CCDC85A: variants seen among roughly 807,000 people sequenced by gnomAD.
The protein encoded by CCDC85A is coiled-coil domain containing 85A.
CCDC85A carries 38 observed loss-of-function variants against 50.2 expected under a neutral mutation model. The ratio of observed to expected loss-of-function variants is 0.76; its 90% CI spans 0.58 to 0.99. The LOEUF (loss-of-function observed/expected upper bound fraction) is 0.99. Among genes scored for constraint, CCDC85A ranks in the 50% least tolerant of loss-of-function variants. The probability of loss-of-function intolerance (pLI) is 0.00; values close to 1 mark genes in which losing one functional copy is unlikely to be tolerated. For missense variants in CCDC85A, 820 were observed against 742.0 expected (o/e 1.11, Z -1.22); for synonymous variants, 366 against 301.4 (o/e 1.21, Z -2.22).
At chr2:56,293,041 G>A (rs1281090757) in intron 2 of CCDC85A, among the ~76,000 whole-genome samples, 1 of 152,178 alleles carries the variant, frequency 6.6e-6, no homozygotes, top group Non-Finnish European at 1.5e-5. Flanking sequence ...AGGGCAATGA[G>A]TGGACCAGGC....
intron 2 of CCDC85A, among the ~76,000 whole-genome samples, chr2:56,267,203 A>T (rs897996409): frequency 3.3e-5 from 5 of 151,464 alleles, no homozygotes; most frequent in African/African-American, 9.7e-5. Flanking sequence ...CTCCTCTTCC[A>T]CCCCCCAGAC....
intron 1 of CCDC85A, among the ~76,000 whole-genome samples, chr2:56,189,834 T>C (rs1227022492): frequency 6.6e-6 from 1 of 152,102 alleles, no homozygotes; most frequent in East Asian, 1.9e-4. Flanking sequence ...AGTGCTTGTG[T>C]TCTAGTGGGT....
chr2:56,201,020 G>A (rs115849319), intron 2 of CCDC85A, among the ~76,000 whole-genome samples: 1,623 of 150,710 alleles, frequency 0.011, 32 homozygotes, highest in African/African-American at 0.038. Context: ...ATATCTAAGG[G>A]AAAAAGAGTG....
intron 2 of CCDC85A, among the ~76,000 whole-genome samples, chr2:56,282,805 C>T (rs552212213): frequency 2.6e-4 from 40 of 152,310 alleles, no homozygotes; most frequent in Non-Finnish European, 3.4e-4. Flanking sequence ...CCACCATTCC[C>T]GGCCATACTT....
chr2:56,265,216 A>G (rs2216332), intron 2 of CCDC85A, among the ~76,000 whole-genome samples: 45,281 of 152,076 alleles, frequency 0.3, 7,036 homozygotes, highest in South Asian at 0.37. Context: ...AAAGAAGAAA[A>G]GCTATCCTTC....
intron 2 of CCDC85A, among the ~76,000 whole-genome samples, chr2:56,219,532 C>G (rs1180560328): frequency 1.3e-5 from 2 of 151,686 alleles, no homozygotes; most frequent in Non-Finnish European, 2.9e-5. Flanking sequence ...TCCCATCTTT[C>G]CTTTGCGTTC....
chr2:56,323,041 A>G (rs1226477991), intron 2 of CCDC85A, among the ~76,000 whole-genome samples: 1 of 152,124 alleles, frequency 6.6e-6, no homozygotes. Flanking sequence ...AACTGTTGCA[A>G]GGACAGAAAA....
intron 2 of CCDC85A, among the ~76,000 whole-genome samples, chr2:56,291,556 T>C (rs1266724572): frequency 6.6e-6 from 1 of 152,176 alleles, no homozygotes; most frequent in Non-Finnish European, 1.5e-5. Flanking sequence ...AGAAAGATAC[T>C]GTTCCCTTGA....
At chr2:56,308,768 C>T (rs1180083597) in intron 2 of CCDC85A, among the ~76,000 whole-genome samples, 1 of 152,182 alleles carries the variant, frequency 6.6e-6, no homozygotes, top group Non-Finnish European at 1.5e-5. Context: ...AAATCTGCTG[C>T]ATACACTTTC....
intron 2 of CCDC85A, among the ~76,000 whole-genome samples, chr2:56,338,471 C>T (rs1205588791): frequency 6.6e-6 from 1 of 152,090 alleles, no homozygotes; most frequent in African/African-American, 2.4e-5. Context: ...TTCCAGTACC[C>T]AAAAGGCTTC....
intron 2 of CCDC85A, among the ~76,000 whole-genome samples, chr2:56,277,304 C>T (rs1477185): frequency 0.09 from 13,706 of 152,098 alleles, 2,041 homozygotes; most frequent in African/African-American, 0.31. Flanking sequence ...TTAAGCCATT[C>T]AGAACAGATT....
intron 2 of CCDC85A, among the ~76,000 whole-genome samples, chr2:56,340,973 C>G (rs1194961603): frequency 6.7e-6 from 1 of 150,366 alleles, no homozygotes; most frequent in Non-Finnish European, 1.5e-5. Context: ...CTTGAGAGAT[C>G]AAGTGCACTG....
At chr2:56,244,793 G>A (rs1669426294) in intron 2 of CCDC85A, among the ~76,000 whole-genome samples, 1 of 151,908 alleles carries the variant, frequency 6.6e-6, no homozygotes, top group South Asian at 2.1e-4. Flanking sequence ...GATGAATCCT[G>A]CCAGGATTGA....
At chr2:56,212,140 C>T (rs534303759) in intron 2 of CCDC85A, among the ~76,000 whole-genome samples, 87 of 152,190 alleles carry the variant, frequency 5.7e-4, no homozygotes, top group Non-Finnish European at 1.1e-3. Flanking sequence ...GCCAGCTATG[C>T]TTGGCCAAAT....
chr2:56,332,544 G>A (rs1673862263), intron 2 of CCDC85A, among the ~76,000 whole-genome samples: 2 of 152,068 alleles, frequency 1.3e-5, no homozygotes, highest in Non-Finnish European at 2.9e-5. Context: ...TGGAGGTTAG[G>A]TTTCAACATA....
intron 2 of CCDC85A, among the ~76,000 whole-genome samples, chr2:56,340,943 A>G (rs10173561): frequency 0.38 from 56,949 of 149,304 alleles, 13,390 homozygotes; most frequent in African/African-American, 0.67. Context: ...TTTGGAAGAG[A>G]GTCAGGGTCA....
chr2:56,267,781 A>G (rs1670518353), intron 2 of CCDC85A, among the ~76,000 whole-genome samples: 1 of 152,210 alleles, frequency 6.6e-6, no homozygotes, highest in Non-Finnish European at 1.5e-5. Context: ...ATAGAATTAC[A>G]CTTACAATAA....
At chr2:56,337,622 A>AT (rs1674139327) in intron 2 of CCDC85A, among the ~76,000 whole-genome samples, 1 of 152,144 alleles carries the variant, frequency 6.6e-6, no homozygotes, top group Non-Finnish European at 1.5e-5. Flanking sequence ...CTATTGATGC[A>AT]TTTTAAGCTT....
At chr2:56,299,677 T>A (rs185100340) in intron 2 of CCDC85A, among the ~76,000 whole-genome samples, 1 of 152,224 alleles carries the variant, frequency 6.6e-6, no homozygotes, top group East Asian at 1.9e-4. Flanking sequence ...AGGGCTGTCA[T>A]CAGTGAATAC....
Sources: allele counts gnomAD v4.1 joint callset (sites outside exome capture counted in the v4.1 genomes callset), GRCh38; gene constraint gnomAD v4.1.1; transcripts MANE v1.5; gene names NCBI Gene and HGNC (gene_info 2026-07-23, HGNC 2026-07-21).